The following WDR41 variants were observed in gnomAD, a reference collection of about 807,000 sequenced individuals.
The protein encoded by WDR41 is WD repeat-containing protein 41.
Under a neutral mutation model 69.3 loss-of-function variants are expected in WDR41, and 63 were observed. The ratio of observed to expected loss-of-function variants is 0.91; its 90% confidence interval spans 0.74 to 1.12. The LOEUF (loss-of-function observed/expected upper bound fraction) is 1.12. Among genes scored for constraint, WDR41 ranks in the 50% most tolerant of loss-of-function variants. WDR41 has a pLI of 0.00. For missense variants in WDR41, 543 were observed against 534.5 expected (o/e 1.02, Z -0.16); for synonymous variants, 185 against 192.1 (o/e 0.96, Z 0.31).
chr5:77,517,796 T>G (rs569484180), intron 1 of WDR41, among the ~76,000 whole-genome samples: 6 of 152,094 alleles, frequency 3.9e-5, no homozygotes, highest in African/African-American at 1.4e-4. Context: ...AAGATACAGT[T>G]AAAGCATAAG....
chr5:77,561,692 G>T (rs928409561), intron 1 of WDR41, among the ~76,000 whole-genome samples: 2 of 151,976 alleles, frequency 1.3e-5, no homozygotes, highest in Non-Finnish European at 1.5e-5. Flanking sequence ...AAGCTAAACT[G>T]GGCAGTTTAC....
At position 77,542,732 on chromosome 5, in the gene WDR41, A is replaced by G. The variant is rs368376389; in HGVS notation, c.43-53160T>C. ...AATAAATAAAAGACATCTAAATAGAAAAAAGAAGTCATTGGCAGATAGGAG... is the reference window on the plus strand; with the variant it reads ...AATAAATAAAAGACATCTAAATAGAGAAAAGAAGTCATTGGCAGATAGGAG... On this transcript the variant is annotated intron_variant, in intron 1 of 5. Transcript: ENST00000509971. 3.7e-4 allele frequency among the ~76,000 whole-genome samples: 56 copies of G among 152,232 alleles called. 1 individual carries two copies. Among genetic ancestry groups the G allele is most frequent in the African/African-American group, 1.2e-3 (51 of 41,460 alleles).
intron 1 of WDR41, among the ~76,000 whole-genome samples, chr5:77,611,375 A>C (rs1308281474): frequency 6.6e-6 from 1 of 152,206 alleles, no homozygotes; most frequent in African/African-American, 2.4e-5. Context: ...ACCACACCAC[A>C]CCTATTCCAA....
intron 1 of WDR41, chr5:77,546,178 C>A: frequency 2.3e-6 from 1 of 440,162 alleles, no homozygotes; most frequent in South Asian, 5.6e-5. Flanking sequence ...ACCAAGTCTC[C>A]CTATAAGTAA....
rs1798713516 is a variant in WDR41 at position 77,431,320 on chromosome 5, C to T, written c.*1815G>A. On this transcript the variant is annotated 3_prime_UTR_variant, in exon 13 of 13. Coordinates refer to ENST00000296679, the MANE Select transcript of WDR41 (RefSeq NM_018268.4). ...AGCCAGCAGTATCAAGACCCTCCAC[C>T]AGCAAAAAGATTATGACTCGCTGAA... 1 of 152,448 alleles carries T rather than the reference C, an allele frequency of 6.6e-6. No individual in the cohort carries two copies. The highest frequency in any genetic ancestry group is 2.4e-5 in the African/African-American group (1 of 41,450). The allele number at this position is 152,448 out of a possible 1,614,324, so 9.4% of individuals were successfully genotyped here.
intron 1 of WDR41, among the ~76,000 whole-genome samples, chr5:77,619,138 A>G (rs10077115): frequency 0.091 from 13,883 of 152,258 alleles, 841 homozygotes; most frequent in East Asian, 0.23. Context: ...TTTCACGGTG[A>G]TTACATAAGC....
At chr5:77,599,880 A>G (rs1311576479) in intron 1 of WDR41, among the ~76,000 whole-genome samples, 1 of 152,228 alleles carries the variant, frequency 6.6e-6, no homozygotes, top group African/African-American at 2.4e-5. Flanking sequence ...TGCTTACTCA[A>G]CAAATAACTG....
intron 2 of WDR41, among the ~76,000 whole-genome samples, chr5:77,465,134 G>A (rs1800247802): frequency 6.6e-6 from 1 of 152,100 alleles, no homozygotes; most frequent in Admixed American, 6.5e-5. Context: ...GCTGACAAGT[G>A]CCTTCAGTGA....
intron 6 of WDR41, 66 bp from the exon 7 acceptor site, chr5:77,451,419 T>C: frequency 6.8e-7 from 1 of 1,460,068 alleles, no homozygotes; most frequent in Non-Finnish European, 9.6e-7. Context: ...AACAAAAACA[T>C]TCTCAGTTTT....
rs372128865 is a variant in WDR41, at chr5:77,616,984, G to A, written c.42+3495C>T. Among the ~76,000 whole-genome samples, 18 of 152,204 alleles carry A rather than the reference G, an allele frequency of 1.2e-4. No individual in the cohort carries two copies. The South Asian group carries it at 2.7e-3, about 23-fold the overall frequency. On this transcript the variant is annotated intron_variant, in intron 1 of 5. Transcript: ENST00000509971. ...TCCTACTTACATGCATTTCTTCAAC[G>A]GCCTTCAGGGACACTCACTGTCCAT...
intron 1 of WDR41, among the ~76,000 whole-genome samples, chr5:77,588,851 C>T (rs1295443900): frequency 2.0e-5 from 3 of 152,192 alleles, no homozygotes; most frequent in Non-Finnish European, 2.9e-5. Context: ...TCGCTAACAG[C>T]ACTGTATGCC....
At chr5:77,509,824 G>T (rs146729091) in intron 1 of WDR41, among the ~76,000 whole-genome samples, 1 of 152,190 alleles carries the variant, frequency 6.6e-6, no homozygotes, top group East Asian at 1.9e-4. Flanking sequence ...TACTTTAAAT[G>T]GGTAGATTAT....
chr5:77,600,929 ATG>A (rs71608111), intron 1 of WDR41, among the ~76,000 whole-genome samples: 13,364 of 143,852 alleles, frequency 0.093, 673 homozygotes, highest in African/African-American at 0.14. Context: ...CTCTGTGTGT[ATG>A]TGTGTGTGTG....
chr5:77,488,588 T>C (rs1356910828), intron 2 of WDR41, among the ~76,000 whole-genome samples: 24 of 150,452 alleles, frequency 1.6e-4, no homozygotes. Flanking sequence ...AAATTAGAGA[T>C]GAAAGTGGAA....
Position 77,432,183 on chromosome 5 carries a change from A to G in WDR41, c.*952T>C, listed in dbSNP as rs1444772809. 6.6e-6 allele frequency: 1 copy of G among 152,240 alleles called. No individual in the cohort carries two copies. Among genetic ancestry groups the G allele is most frequent in the Admixed American group, 6.5e-5 (1 of 15,288 alleles). The allele number at this position is 152,240 out of a possible 1,614,324, so 9.4% of individuals were successfully genotyped here. A position where few individuals can be genotyped will look rare whatever the true frequency, so the allele number is the denominator to read the frequency against. ...CTGTAAGAAGGGTCAGTCTGCTAAC[A>G]TCTGTCACGTTGCCCTTTCTTCATC... On this transcript the variant is annotated 3_prime_UTR_variant, in exon 13 of 13. Coordinates refer to ENST00000296679, the MANE Select transcript of WDR41 (RefSeq NM_018268.4).
chr5:77,612,095 G>T (rs928352413), intron 1 of WDR41, among the ~76,000 whole-genome samples: 4 of 152,170 alleles, frequency 2.6e-5, no homozygotes, highest in African/African-American at 9.7e-5. Context: ...AAACCAGGAA[G>T]AAGTTGAATC....
In WDR41 at chr5:77,431,691, T is replaced by C. The variant is rs981048598; in HGVS notation, c.*1444A>G. On this transcript the variant is annotated 3_prime_UTR_variant, in exon 13 of 13. Transcript: ENST00000296679. ...CTAGGAAGTAAAACAGTTAAGTCTATGGCTCCCTTGTGTCATACAACTTCA... is the reference window on the plus strand; with the variant it reads ...CTAGGAAGTAAAACAGTTAAGTCTACGGCTCCCTTGTGTCATACAACTTCA... 1.3e-5 allele frequency: 2 copies of C among 152,246 alleles called. No individual in the cohort carries two copies. The highest frequency in any genetic ancestry group is 2.9e-5 in the Non-Finnish European group (2 of 68,042). The allele number at this position is 152,246 out of a possible 1,614,324, so 9.4% of individuals were successfully genotyped here.
intron 1 of WDR41, among the ~76,000 whole-genome samples, chr5:77,610,083 G>A (rs1463719672): frequency 6.6e-6 from 1 of 152,004 alleles, no homozygotes; most frequent in East Asian, 1.9e-4. Context: ...TGAATGAAAT[G>A]AAGTGAGAAG....
chr5:77,512,490 G>T (rs1251003662), intron 1 of WDR41, among the ~76,000 whole-genome samples: 1 of 151,850 alleles, frequency 6.6e-6, no homozygotes, highest in Non-Finnish European at 1.5e-5. Flanking sequence ...GGTAGCTCAT[G>T]CCTGTAATCC....
Sources: gnomAD v4.1 joint callset for allele counts (sites outside exome capture counted in the v4.1 genomes callset) on GRCh38, gnomAD v4.1.1 for gene constraint, MANE v1.5 for transcripts, NCBI Gene and HGNC (gene_info 2026-07-23, HGNC 2026-07-21) for gene names.